CPA6: variants seen among roughly 807,000 people sequenced by gnomAD.
CPA6 encodes the protein carboxypeptidase B.
CPA6 carries 58 observed loss-of-function variants against 63.3 expected under a neutral mutation model. The ratio of observed to expected loss-of-function variants is 0.92; its 90% CI spans 0.74 to 1.14. The LOEUF is 1.14. Ranked by LOEUF, CPA6 falls within the 50% of genes most tolerant of loss-of-function variation. CPA6 has a pLI of 0.00. For missense variants in CPA6, 565 were observed against 526.6 expected (o/e 1.07, Z -0.71); for synonymous variants, 185 against 179.0 (o/e 1.03, Z -0.27).
At chr8:67,671,384 AG>A (rs1444478888) in intron 1 of CPA6, among the ~76,000 whole-genome samples, 1 of 152,280 alleles carries the variant, frequency 6.6e-6, no homozygotes, top group East Asian at 1.9e-4. Flanking sequence ...ACTCAGCAGG[AG>A]TGGCTCTTCA....
intron 2 of CPA6, among the ~76,000 whole-genome samples, chr8:67,612,198 A>G (rs80172582): frequency 0.013 from 1,989 of 152,292 alleles, 42 homozygotes; most frequent in African/African-American, 0.045. Context: ...GAAGAAGGGA[A>G]GGAGGAAAGA....
chr8:67,646,531 G>A (rs1280672217), intron 1 of CPA6, among the ~76,000 whole-genome samples: 2 of 152,190 alleles, frequency 1.3e-5, no homozygotes, highest in Non-Finnish European at 2.9e-5. Flanking sequence ...GAGTTGTCAA[G>A]GAGAAGATCT....
intron 8 of CPA6, among the ~76,000 whole-genome samples, chr8:67,440,725 C>A (rs187535567): frequency 6.6e-6 from 1 of 152,028 alleles, no homozygotes; most frequent in Non-Finnish European, 1.5e-5. Context: ...CTACTAGATA[C>A]TATAGGCAAT....
At chr8:67,744,629 C>T (rs193004189) in intron 1 of CPA6, among the ~76,000 whole-genome samples, 6 of 152,206 alleles carry the variant, frequency 3.9e-5, no homozygotes, top group South Asian at 2.1e-4. Flanking sequence ...TCATCTGACC[C>T]GGCATCAGCC....
intron 2 of CPA6, chr8:67,569,596 G>A (rs186015527): frequency 1.1e-5 from 5 of 453,792 alleles, no homozygotes; most frequent in African/African-American, 4.0e-5. Flanking sequence ...AGCTGAAATT[G>A]ATGAAGAACC....
rs757929205 is a variant in CPA6, at chr8:67,434,217, A to T, written c.862T>A (p.Cys288Ser). Residue 288 changes from cysteine to serine, a missense_variant, in exon 9 of 11, where the codon TGT (cysteine) becomes AGT (serine). By Grantham distance (112) the Cys-to-Ser change is moderately radical. Transcript: ENST00000297770. ...AAAGGGCCACAGTATGTGTCATCAC[A>T]AGGGTGCATAGAAGCTCCTTCATCT... ...WCDEGASMHP[C>S]DDTYCGPFPE... is the part of the protein sequence containing the mutation. 6.2e-7 allele frequency: 1 copy of T among 1,614,116 alleles called. No individual in the cohort carries two copies. The highest frequency in any genetic ancestry group is 1.1e-5 in the South Asian group (1 of 91,080).
At chr8:67,710,653 T>G (rs1817240837) in intron 1 of CPA6, among the ~76,000 whole-genome samples, 1 of 151,772 alleles carries the variant, frequency 6.6e-6, no homozygotes, top group East Asian at 1.9e-4. Flanking sequence ...GGGGGTATAA[T>G]GAAGAATGTT....
At position 67,509,593 on chromosome 8, in the gene CPA6, T is replaced by C. The variant is rs1225241302; in HGVS notation, c.458A>G (p.Asn153Ser). The C allele has an allele frequency of 1.3e-6, 2 of 1,591,574 alleles. No individual in the cohort carries two copies. The highest frequency in any genetic ancestry group is 3.4e-5 in the Admixed American group (2 of 58,786). ...GTGAATGAGGCCTGAGTGAGTTTTA[T>C]TCAGATGATGCATCCAATTTTGAAT... ...EEIQNWMHHL[N>S]KTHSGLIHMF... Residue 153 changes from asparagine (N) to serine (S), a missense_variant, in exon 5 of 11, where the codon AAT becomes AGT. By Grantham distance (46) the Asn-to-Ser change is conservative. Transcript: ENST00000297770.
chr8:67,469,092 T>G lies in CPA6; in HGVS notation c.838+14676A>C, dbSNP rs528468004. ...CAAGTGTGAATACATGTGTGCGTAT[T>G]TATATCTATCTATTTCTATTATAGT... On this transcript the variant is annotated intron_variant, in intron 8 of 10. Coordinates refer to ENST00000297770, the MANE Select transcript of CPA6 (RefSeq NM_020361.5). Among the ~76,000 whole-genome samples, 16 of 152,334 alleles carry G rather than the reference T, an allele frequency of 1.1e-4. No individual in the cohort carries two copies. The South Asian group carries it at 3.1e-3, about 30-fold the overall frequency.
chr8:67,576,917 C>A (rs651461), intron 2 of CPA6, among the ~76,000 whole-genome samples: 4 of 150,714 alleles, frequency 2.7e-5, no homozygotes, highest in African/African-American at 9.8e-5. Flanking sequence ...GGCTGGAATG[C>A]GGTGGCACGA....
In CPA6 at chr8:67,676,541, C is replaced by T. The variant is rs193276250; in HGVS notation, c.117-52290G>A. 5.7e-3 allele frequency among the ~76,000 whole-genome samples: 864 copies of T among 152,312 alleles called. 6 individuals are homozygous for T. Among genetic ancestry groups the T allele is most frequent in the South Asian group, 9.3e-3 (45 of 4,828 alleles). Reference sequence around the variant, plus strand: ...CTCTGTTTTGGGAAGAGGGTTACTGCATTGCCATTTAGCTTTCAACTTGGA... The same window carrying T: ...CTCTGTTTTGGGAAGAGGGTTACTGTATTGCCATTTAGCTTTCAACTTGGA... On this transcript the variant is annotated intron_variant, in intron 1 of 10. Coordinates refer to ENST00000297770, the MANE Select transcript of CPA6 (RefSeq NM_020361.5).
chr8:67,578,163 T>C (rs1437358704), intron 2 of CPA6, among the ~76,000 whole-genome samples: 1 of 152,242 alleles, frequency 6.6e-6, no homozygotes, highest in Non-Finnish European at 1.5e-5. Flanking sequence ...TGTTGTTTAC[T>C]GACCTTTGTT....
rs1243662817 is a variant in CPA6, at chr8:67,518,062, C to A, written c.193-15G>T. On this transcript the variant is annotated splice_polypyrimidine_tract_variant and intron_variant, in intron 2 of 10. Transcript: ENST00000297770. ...CACAGGTCCACCTGTAGTGCAGGAA[C>A]CAACCTATAATTCATATCCAACGTA... 6.4e-7 allele frequency: 1 copy of A among 1,562,722 alleles called. No individual in the cohort carries two copies. Among genetic ancestry groups the A allele is most frequent in the South Asian group, 1.2e-5 (1 of 81,896 alleles).
At chr8:67,562,770 C>G (rs1241425563) in intron 2 of CPA6, among the ~76,000 whole-genome samples, 1 of 152,174 alleles carries the variant, frequency 6.6e-6, no homozygotes, top group Non-Finnish European at 1.5e-5. Flanking sequence ...AAAAAGCCCT[C>G]ACTCAATAGA....
chr8:67,422,218 T>C lies in CPA6; in HGVS notation c.*286A>G, dbSNP rs1370253960. On this transcript the variant is annotated 3_prime_UTR_variant, in exon 11 of 11. Coordinates refer to ENST00000297770, the MANE Select transcript of CPA6 (RefSeq NM_020361.5). ...ATTGAAGGGAAATCCTCAATTAATA[T>C]GAACATTTCTTGAGAAATGGGAAAT... 1.2e-4 allele frequency: 33 copies of C among 279,902 alleles called. No homozygotes were observed. In the East Asian group the frequency reaches 1.8e-3, roughly 15 times the overall value. 17.3% of individuals were successfully genotyped at this position (279,902 alleles called of 1,614,324 possible).
At chr8:67,701,352 G>C (rs1429499796) in intron 1 of CPA6, among the ~76,000 whole-genome samples, 3 of 152,232 alleles carry the variant, frequency 2.0e-5, no homozygotes, top group African/African-American at 7.2e-5. Flanking sequence ...GTGTCACGAA[G>C]AGTATATATG....
chr8:67,699,165 C>T (rs1816968829), intron 1 of CPA6, among the ~76,000 whole-genome samples: 1 of 152,174 alleles, frequency 6.6e-6, no homozygotes, highest in Admixed American at 6.5e-5. Flanking sequence ...CGCCTATAAT[C>T]CCAGCACCTT....
At chr8:67,523,177 GCATAT>G (rs1259078953) in intron 2 of CPA6, among the ~76,000 whole-genome samples, 1 of 152,104 alleles carries the variant, frequency 6.6e-6, no homozygotes, top group Non-Finnish European at 1.5e-5. Flanking sequence ...ACTATAAATA[GCATAT>G]TTTAAATATA....
chr8:67,448,660 G>A (rs1380408773), intron 8 of CPA6, among the ~76,000 whole-genome samples: 379 of 54,592 alleles, frequency 6.9e-3, no homozygotes, highest in Middle Eastern at 0.029. Flanking sequence ...AAAAAGGAAA[G>A]AACGAAAAAG....
Sources: gnomAD v4.1 joint callset for allele counts (sites outside exome capture counted in the v4.1 genomes callset) on GRCh38, gnomAD v4.1.1 for gene constraint, MANE v1.5 for transcripts, NCBI Gene and HGNC (gene_info 2026-07-23, HGNC 2026-07-21) for gene names.